KLF13: variants seen among roughly 807,000 people sequenced by gnomAD.
The protein encoded by KLF13 is Krueppel-like factor 13.
Under a neutral mutation model 16.7 loss-of-function variants are expected in KLF13, and 8 were observed. The observed-to-expected ratio is 0.48, with a 90% confidence interval of 0.28 to 0.87. KLF13 has a LOEUF of 0.87. KLF13 is among the 40% of genes least tolerant of loss of function. The probability of loss-of-function intolerance (pLI) is 0.10; values close to 1 mark genes in which losing one functional copy is unlikely to be tolerated. For missense variants in KLF13, 447 were observed against 452.2 expected, an observed-to-expected ratio of 0.99 and a Z score of 0.10; for synonymous variants, 245 against 208.4, an observed-to-expected ratio of 1.18 and a Z score of -1.51.
upstream of KLF13, among the ~76,000 whole-genome samples, chr15:31,389,290 C>A (rs1432059399): frequency 6.6e-6 from 1 of 152,184 alleles, no homozygotes; most frequent in African/African-American, 2.4e-5. Context: ...GAATATATCT[C>A]ACATACAAAA....
chr15:31,433,524 G>A (rs192081126), intron 1 of KLF13, among the ~76,000 whole-genome samples: 1 of 152,252 alleles, frequency 6.6e-6, no homozygotes, highest in African/African-American at 2.4e-5. Context: ...CCCAGTCCCT[G>A]TGTGCTCTGC....
chr15:31,420,251 C>T, intron 1 of KLF13: 1 of 693,210 alleles, frequency 1.4e-6, no homozygotes, highest in African/African-American at 1.8e-5. Flanking sequence ...GCTGATGACC[C>T]TCATGATATC....
chr15:31,332,880 A>G lies in KLF13; in HGVS notation c.577+5091A>G, dbSNP rs2038856820. Among the ~76,000 whole-genome samples the G allele has an allele frequency of 2.6e-5, 4 of 152,310 alleles. No individual in the cohort carries two copies. In the South Asian group the frequency reaches 8.3e-4, roughly 32 times the overall value. ...AAGCCCTACAGTCAACCAGCACTGG[A>G]ACAAGCATGGGGCCATTTGTGGAGA... On this transcript the variant is annotated intron_variant, in intron 1 of 1. Coordinates refer to ENST00000307145, the MANE Select transcript of KLF13 (RefSeq NM_015995.4).
chr15:31,327,234 G>A lies in KLF13; in HGVS notation c.22G>A (p.Asp8Asn). 1 of 1,376,108 alleles carries A rather than the reference G, an allele frequency of 7.3e-7. No homozygotes were observed. The highest frequency in any genetic ancestry group is 9.4e-7 in the Non-Finnish European group (1 of 1,063,204). 85.2% of individuals were successfully genotyped at this position (1,376,108 alleles called of 1,614,324 possible). A position where few individuals can be genotyped will look rare whatever the true frequency, so the allele number is the denominator to read the frequency against. ...CAGCATGGCAGCCGCCGCCTATGTG[G>A]ACCACTTCGCCGCCGAGTGCCTCGT... MAAAAYV[D>N]HFAAECLVSM... is the part of the protein sequence containing the mutation. The change falls in exon 1 of 2, where the codon GAC becomes AAC. Residue 8 changes from aspartate (D) to asparagine (N), a missense_variant. This residue lies in a region of KLF13 where 359 missense variants were observed against 282.8 expected (regional missense o/e 1.27). Coordinates refer to ENST00000307145, the MANE Select transcript of KLF13 (RefSeq NM_015995.4).
intron 1 of KLF13, among the ~76,000 whole-genome samples, chr15:31,371,799 G>A (rs1053374626): frequency 3.3e-5 from 5 of 152,334 alleles, no homozygotes; most frequent in East Asian, 1.9e-4. Flanking sequence ...ATCCTAGGCC[G>A]TGTCCTCTGC....
intron 1 of KLF13, among the ~76,000 whole-genome samples, chr15:31,364,514 G>C (rs1422037589): frequency 6.6e-6 from 1 of 152,336 alleles, no homozygotes; most frequent in East Asian, 1.9e-4. Context: ...GGGCCCCTTG[G>C]CCCATAGGTG....
Position 31,327,287 on chromosome 15 carries a change from C to G in KLF13, c.75C>G (p.His25Gln). The change falls in exon 1 of 2, where the codon CAC (histidine) becomes CAG (glutamine). Residue 25 changes from histidine (H) to glutamine (Q), a missense_variant. Coordinates refer to ENST00000307145, the MANE Select transcript of KLF13 (RefSeq NM_015995.4). Reference sequence around the variant, plus strand: ...CCATGTCGAGCCGCGCGGTCGTGCACGGGCCGCGGGAGGGGCCGGAGTCCC... The same window carrying G: ...CCATGTCGAGCCGCGCGGTCGTGCAGGGGCCGCGGGAGGGGCCGGAGTCCC... ...LVSMSSRAVV[H>Q]GPREGPESRP... 1 of 1,321,150 alleles carries G rather than the reference C, an allele frequency of 7.6e-7. No individual in the cohort carries two copies. The highest frequency in any genetic ancestry group is 9.6e-7 in the Non-Finnish European group (1 of 1,037,390). The allele number at this position is 1,321,150 out of a possible 1,614,324, so 81.8% of individuals were successfully genotyped here.
At chr15:31,341,338 G>A (rs867711703) in intron 1 of KLF13, among the ~76,000 whole-genome samples, 120 of 152,220 alleles carry the variant, frequency 7.9e-4, no homozygotes, top group African/African-American at 2.6e-3. Context: ...GTGTGTGTGC[G>A]TGTGTGTTCA....
chr15:31,369,887 G>A (rs998972260), intron 1 of KLF13, among the ~76,000 whole-genome samples: 1 of 152,130 alleles, frequency 6.6e-6, no homozygotes, highest in African/African-American at 2.4e-5. Context: ...GGATGACCTG[G>A]TGTTTGTTTC....
intron 1 of KLF13, among the ~76,000 whole-genome samples, chr15:31,344,929 G>T (rs987007429): frequency 1.3e-5 from 2 of 152,168 alleles, no homozygotes; most frequent in East Asian, 3.9e-4. Flanking sequence ...AGGTTCCAGG[G>T]TTCAGCCCAG....
intron 1 of KLF13, among the ~76,000 whole-genome samples, chr15:31,358,231 A>T (rs905776100): frequency 1.3e-5 from 2 of 152,208 alleles, no homozygotes; most frequent in Non-Finnish European, 2.9e-5. Context: ...TCACAAGAAG[A>T]CAGTTGTGCA....
At chr15:31,399,732 G>A (rs557723418) in intron 2 of KLF13, among the ~76,000 whole-genome samples, 163 of 152,356 alleles carry the variant, frequency 1.1e-3, no homozygotes, top group Middle Eastern at 6.8e-3. Context: ...GGTCGCTGTG[G>A]GGCAGAGGGG....
intron 1 of KLF13, among the ~76,000 whole-genome samples, chr15:31,334,019 A>G (rs1220562595): frequency 6.6e-6 from 1 of 152,282 alleles, no homozygotes; most frequent in Admixed American, 6.5e-5. Flanking sequence ...GTGGGCGGCC[A>G]GGCTCAGCCC....
intron 1 of KLF13, among the ~76,000 whole-genome samples, chr15:31,360,874 A>G (rs2039372675): frequency 6.6e-6 from 1 of 152,168 alleles, no homozygotes; most frequent in Non-Finnish European, 1.5e-5. Flanking sequence ...ATTTTTCCTG[A>G]GAAAACTGAG....
At chr15:31,329,756 T>G (rs1216016796) in intron 1 of KLF13, among the ~76,000 whole-genome samples, 2 of 152,184 alleles carry the variant, frequency 1.3e-5, no homozygotes, top group African/African-American at 4.8e-5. Flanking sequence ...TGCTCGTTCT[T>G]GAAGCAGAGA....
At chr15:31,330,722 C>T (rs763030779) in intron 1 of KLF13, among the ~76,000 whole-genome samples, 8 of 152,230 alleles carry the variant, frequency 5.3e-5, no homozygotes, top group Non-Finnish European at 7.3e-5. Flanking sequence ...ATCCTGTGGA[C>T]ACATTGGTCT....
chr15:31,427,409 G>A (rs34074298), intron 1 of KLF13, among the ~76,000 whole-genome samples: 12,457 of 152,138 alleles, frequency 0.082, 687 homozygotes, highest in Non-Finnish European at 0.12. Context: ...CCAGTACGGC[G>A]ATTCCTCGAG....
At chr15:31,412,469 C>A (rs969433705) in intron 1 of KLF13, among the ~76,000 whole-genome samples, 1 of 151,384 alleles carries the variant, frequency 6.6e-6, no homozygotes, top group Admixed American at 6.6e-5. Flanking sequence ...CAAAAAAAAA[C>A]CACTATGAAA....
At chr15:31,362,399 C>T (rs1325703996) in intron 1 of KLF13, among the ~76,000 whole-genome samples, 3 of 152,178 alleles carry the variant, frequency 2.0e-5, no homozygotes, top group African/African-American at 4.8e-5. Context: ...TTGAGTTTCT[C>T]ATCCTGGAAG....
Sources: gnomAD v4.1 joint callset for allele counts (sites outside exome capture counted in the v4.1 genomes callset) on GRCh38, gnomAD v4.1.1 for gene constraint, gnomAD v4.1.1 regional missense constraint, MANE v1.5 for transcripts, NCBI Gene and HGNC (gene_info 2026-07-23, HGNC 2026-07-21) for gene names.